BRCA2: variants seen among roughly 807,000 people sequenced by gnomAD.
The protein encoded by BRCA2 is BRCA2 DNA repair associated.
BRCA2 carries 203 observed loss-of-function variants against 276.7 expected under a neutral mutation model. The ratio of observed to expected loss-of-function variants is 0.73; its 90% CI spans 0.65 to 0.82. The LOEUF (loss-of-function observed/expected upper bound fraction) is 0.82, where lower values mean the gene tolerates loss of function less well. Ranked by LOEUF, BRCA2 falls within the 40% of genes least tolerant of loss-of-function variation. BRCA2 has a pLI of 0.00. For synonymous variants in BRCA2, 1,289 were observed against 1,338.4 expected (o/e 0.96, Z 0.81); for missense variants, 3,920 against 3,915.0 (o/e 1.00, Z -0.03).
intron 24 of BRCA2, among the ~76,000 whole-genome samples, chr13:32,384,123 A>C (rs905378074): frequency 6.6e-6 from 1 of 152,250 alleles, no homozygotes; most frequent in African/African-American, 2.4e-5. Context: ...AATGAATGAC[A>C]GTCTGATAAC....
chr13:32,316,092 TG>T (rs1172932235), intron 1 of BRCA2, among the ~76,000 whole-genome samples: 4 of 152,218 alleles, frequency 2.6e-5, no homozygotes, highest in Non-Finnish European at 4.4e-5. Context: ...GACATGCTGA[TG>T]GGAATTACCA....
rs745817393 is a variant in BRCA2 at position 32,337,963 on chromosome 13, G to A, written c.3608G>A (p.Ser1203Asn). Residue 1203 changes from serine (S) to asparagine (N), a missense_variant, in exon 11 of 27, where the codon AGT (serine) becomes AAT (asparagine). Around this residue, in one of 2 missense-constraint regions of BRCA2, gnomAD observed 3,263 missense variants for 3,156.9 expected, o/e 1.03. Coordinates refer to ENST00000380152, the MANE Select transcript of BRCA2 (RefSeq NM_000059.4). ...CTGTTGAAAAATGACTGTAACAAAA[G>A]TGCTTCTGGTTATTTAACAGATGAA... Reference protein sequence around the residue: ...AGLLKNDCNKSASGYLTDENE... With the variant: ...AGLLKNDCNKNASGYLTDENE... 1.2e-6 allele frequency: 2 copies of A among 1,613,958 alleles called. No homozygotes were observed. Among genetic ancestry groups the A allele is most frequent in the African/African-American group, 2.7e-5 (2 of 75,024 alleles).
At chr13:32,379,986 T>A (rs1343398115) in intron 23 of BRCA2, 21 bp from the exon 24 acceptor site, 3 of 1,613,920 alleles carry the variant, frequency 1.9e-6, no homozygotes, top group Non-Finnish European at 2.5e-6. Flanking sequence ...ATATGTTGAA[T>A]TTTTGTTTTG....
At chr13:32,324,701 G>C (rs1183031750) in intron 3 of BRCA2, among the ~76,000 whole-genome samples, 1 of 152,130 alleles carries the variant, frequency 6.6e-6, no homozygotes, top group Non-Finnish European at 1.5e-5. Context: ...ACAGTGGCAT[G>C]ATCATAGCTC....
chr13:32,356,580 C>T lies in BRCA2; in HGVS notation c.7588C>T (p.Gln2530Ter). The change falls in exon 15 of 27, where the codon CAA becomes TAA. Residue 2530 changes from glutamine (Q) to a stop codon, truncating the protein, a stop_gained. Coordinates refer to ENST00000380152, the MANE Select transcript of BRCA2 (RefSeq NM_000059.4). LOFTEE classifies it high-confidence loss of function. ...CTCTCTGAAAGCAGCAGTAGGAGGC[C>T]AAGTTCCCTCTGCGTGTTCTCATAA... is the stretch of plus-strand genomic sequence containing the variant. ...RISLKAAVGGQVPSACSHKQL... is the reference protein window; with the variant it reads ...RISLKAAVGG The T allele has an allele frequency of 6.2e-7, 1 of 1,614,162 alleles. No homozygotes were observed. Among genetic ancestry groups the T allele is most frequent in the South Asian group, 1.1e-5 (1 of 91,088 alleles).
intron 20 of BRCA2, among the ~76,000 whole-genome samples, chr13:32,373,499 C>G (rs2072849741): frequency 6.6e-6 from 1 of 151,780 alleles, no homozygotes; most frequent in Non-Finnish European, 1.5e-5. Flanking sequence ...AAGCAAGACT[C>G]TGTCTCAAAA....
intron 24 of BRCA2, chr13:32,384,728 G>T: frequency 4.1e-6 from 1 of 245,854 alleles, no homozygotes; most frequent in South Asian, 7.6e-5. Flanking sequence ...ACTTTACATG[G>T]GAGGTATCAA....
intron 2 of BRCA2, among the ~76,000 whole-genome samples, chr13:32,318,846 C>T (rs1002802766): frequency 1.6e-4 from 25 of 152,228 alleles, no homozygotes; most frequent in African/African-American, 6.0e-4. Flanking sequence ...ATATATACAG[C>T]TTTTAATAAT....
intron 3 of BRCA2, 38 bp from the exon 4 acceptor site, chr13:32,325,038 A>C (rs1280091819): frequency 7.4e-7 from 1 of 1,355,726 alleles, no homozygotes; most frequent in Non-Finnish European, 1.1e-6. Context: ...TATAATCCAG[A>C]GTATATACAT....
At chr13:32,378,587 G>A (rs748366941) in intron 21 of BRCA2, among the ~76,000 whole-genome samples, 5 of 152,098 alleles carry the variant, frequency 3.3e-5, no homozygotes, top group African/African-American at 4.8e-5. Context: ...CTCCCTTCCC[G>A]GTAGAGATTA....
chr13:32,340,870 C>T lies in BRCA2; in HGVS notation c.6515C>T (p.Ser2172Leu), dbSNP rs886040663. Residue 2172 changes from serine (S) to leucine (L), a missense_variant, in exon 11 of 27, where the codon TCA becomes TTA. Transcript: ENST00000380152. ...KQQLVLGTKV[S>L]LVENIHVLGK... ...CAGTTGGTATTAGGAACCAAAGTGT[C>T]ACTTGTTGAGAACATTCATGTTTTG... 1.9e-6 allele frequency: 3 copies of T among 1,603,038 alleles called. No individual in the cohort carries two copies. Among genetic ancestry groups the T allele is most frequent in the Admixed American group, 1.7e-5 (1 of 57,330 alleles).
At chr13:32,397,160 G>A (rs55844072) in intron 26 of BRCA2, 116 bp downstream of exon 26, 48 of 1,228,888 alleles carry the variant, frequency 3.9e-5, no homozygotes, top group Middle Eastern at 4.0e-4. Context: ...TAGAAAATGT[G>A]GTTGTTATGT....
rs192566064 is a variant in BRCA2 at position 32,370,904 on chromosome 13, A to G, written c.8488-52A>G. On this transcript the variant is annotated intron_variant, in intron 19 of 26. Transcript: ENST00000380152. ...CACTGTGCCTGGCCTGATACAATTA[A>G]CTTGAATGTTATATATGTGACTTTT... 2.1e-4 allele frequency: 331 copies of G among 1,608,476 alleles called. No individual in the cohort carries two copies. The African/African-American group carries it at 4.0e-3, about 19-fold the overall frequency.
chr13:32,339,266 T>C lies in BRCA2; in HGVS notation c.4911T>C (p.Val1637=). 1 of 1,611,902 alleles carries C rather than the reference T, an allele frequency of 6.2e-7. No individual in the cohort carries two copies. The highest frequency in any genetic ancestry group is 8.5e-7 in the Non-Finnish European group (1 of 1,179,402). ...CATCAAAAAGTATCTTTTTGAAAGTTAAAGTACATGAAAATGTAGAAAAAG... is the reference window on the plus strand; with the variant it reads ...CATCAAAAAGTATCTTTTTGAAAGTCAAAGTACATGAAAATGTAGAAAAAG... The part of the protein sequence containing the change: ...LKTSKSIFLK[V]KVHENVEKET... Residue 1637 remains valine, a synonymous_variant, in exon 11 of 27, where the codon GTT becomes GTC. Transcript: ENST00000380152.
Position 32,317,556 on chromosome 13 carries a change from C to G in BRCA2, c.67+1029C>G, listed in dbSNP as rs376606811. On this transcript the variant is annotated intron_variant, in intron 2 of 26. Coordinates refer to ENST00000380152, the MANE Select transcript of BRCA2 (RefSeq NM_000059.4). Reference sequence around the variant, plus strand: ...GATATACCATAGGTCTTTCCCATGTCGCAACATCATGCAGTGATTATTTGG... The same window carrying G: ...GATATACCATAGGTCTTTCCCATGTGGCAACATCATGCAGTGATTATTTGG... 4.7e-4 allele frequency among the ~76,000 whole-genome samples: 72 copies of G among 152,258 alleles called. 1 individual carries two copies. Among genetic ancestry groups the G allele is most frequent in the African/African-American group, 1.7e-3 (69 of 41,550 alleles).
chr13:32,365,306 G>A (rs1214436120), intron 18 of BRCA2, among the ~76,000 whole-genome samples: 2 of 151,144 alleles, frequency 1.3e-5, no homozygotes, highest in Non-Finnish European at 3.0e-5. Context: ...CTGGCCTGCG[G>A]TGCTGTTTTT....
Position 32,393,007 on chromosome 13 carries a change from C to T in BRCA2, c.9257-1682C>T, listed in dbSNP as rs985246444. Reference sequence around the variant, plus strand: ...AGCATTCCCCTCAATTTGAGTTCGTCTGATGTTTTCTCATGACTAGGATGA... The same window carrying T: ...AGCATTCCCCTCAATTTGAGTTCGTTTGATGTTTTCTCATGACTAGGATGA... On this transcript the variant is annotated intron_variant, in intron 24 of 26. Coordinates refer to ENST00000380152, the MANE Select transcript of BRCA2 (RefSeq NM_000059.4). Among the ~76,000 whole-genome samples, 10 of 152,218 alleles carry T rather than the reference C, an allele frequency of 6.6e-5. No homozygotes were observed. The East Asian group carries it at 1.9e-3, about 29-fold the overall frequency.
intron 18 of BRCA2, among the ~76,000 whole-genome samples, chr13:32,366,279 T>C (rs1016454606): frequency 1.3e-5 from 2 of 152,196 alleles, no homozygotes; most frequent in Non-Finnish European, 2.9e-5. Context: ...CTTAAGCTAT[T>C]GTTAGTAATC....
At chr13:32,346,043 T>A (rs2072608867) in intron 12 of BRCA2, among the ~76,000 whole-genome samples, 1 of 152,024 alleles carries the variant, frequency 6.6e-6, no homozygotes, top group African/African-American at 2.4e-5. Flanking sequence ...TTGTTTTCAA[T>A]TTTAGGATTT....
Sources: allele counts gnomAD v4.1 joint callset (sites outside exome capture counted in the v4.1 genomes callset), GRCh38; gene constraint gnomAD v4.1.1; regional missense constraint gnomAD v4.1.1; transcripts MANE v1.5; gene names NCBI Gene and HGNC (gene_info 2026-07-23, HGNC 2026-07-21).